Variants in MACROD2 observed in about 807,000 individuals in gnomAD.
The protein encoded by MACROD2 is mono-ADP ribosylhydrolase 2, also known as ADP-ribose glycohydrolase MACROD2.
A neutral mutation model predicts 70.4 loss-of-function variants in MACROD2; 36 were observed. That is an observed-to-expected ratio of 0.51 (90% CI 0.39 to 0.68). MACROD2 has a LOEUF of 0.68. Ranked by LOEUF, MACROD2 falls within the 30% of genes least tolerant of loss-of-function variation. The pLI is 0.00. For synonymous variants in MACROD2, 172 were observed against 178.8 expected, an observed-to-expected ratio of 0.96 and a Z score of 0.30; for missense variants, 496 against 538.4, an observed-to-expected ratio of 0.92 and a Z score of 0.78.
intron 3 of MACROD2, among the ~76,000 whole-genome samples, chr20:14,196,512 A>G (rs112379734): frequency 0.016 from 2,496 of 152,332 alleles, 63 homozygotes; most frequent in African/African-American, 0.056. Context: ...ATGGCTTCAC[A>G]GCATTCCTCT....
At chr20:14,443,432 G>T (rs2084148444) in intron 3 of MACROD2, among the ~76,000 whole-genome samples, 2 of 151,588 alleles carry the variant, frequency 1.3e-5, no homozygotes, top group South Asian at 2.1e-4. Context: ...GAGTAGCTGG[G>T]ATTACAGATA....
intron 4 of MACROD2, among the ~76,000 whole-genome samples, chr20:14,634,354 G>A (rs1433380483): frequency 1.3e-5 from 2 of 152,186 alleles, no homozygotes; most frequent in Non-Finnish European, 2.9e-5. Context: ...CACAGAGTAA[G>A]CATTTAATAA....
chr20:14,431,058 T>G (rs2122928242), intron 3 of MACROD2, among the ~76,000 whole-genome samples: 1 of 152,228 alleles, frequency 6.6e-6, no homozygotes, highest in East Asian at 1.9e-4. Context: ...TGGGTTTCCT[T>G]TTTTACATAA....
intron 6 of MACROD2, among the ~76,000 whole-genome samples, chr20:15,386,064 G>C (rs1164290404): frequency 6.6e-6 from 1 of 152,144 alleles, no homozygotes; most frequent in African/African-American, 2.4e-5. Context: ...GATTCCAGAA[G>C]TGAAGACCTT....
chr20:14,382,050 A>G (rs559758333), intron 3 of MACROD2, among the ~76,000 whole-genome samples: 1 of 142,754 alleles, frequency 7.0e-6, no homozygotes, highest in African/African-American at 2.6e-5. Context: ...CATATACTAT[A>G]ATGGGATTGA....
At chr20:14,773,210 A>G (rs904474671) in intron 5 of MACROD2, among the ~76,000 whole-genome samples, 2 of 152,114 alleles carry the variant, frequency 1.3e-5, no homozygotes, top group African/African-American at 4.8e-5. Flanking sequence ...CAACTGAATA[A>G]TAAATCAGGT....
At chr20:16,046,395 G>A (rs999286955) in intron 17 of MACROD2, among the ~76,000 whole-genome samples, 8 of 151,716 alleles carry the variant, frequency 5.3e-5, no homozygotes, top group African/African-American at 1.9e-4. Flanking sequence ...AAATGATACG[G>A]TTGAGGAGTT....
chr20:15,277,074 G>C (rs920644617), intron 6 of MACROD2, among the ~76,000 whole-genome samples: 14 of 152,144 alleles, frequency 9.2e-5, no homozygotes, highest in Non-Finnish European at 1.3e-4. Flanking sequence ...TCTTGAGATG[G>C]GGTGGCTTTG....
intron 2 of MACROD2, among the ~76,000 whole-genome samples, chr20:14,027,405 A>G (rs571433887): frequency 1.2e-4 from 19 of 152,118 alleles, no homozygotes; most frequent in East Asian, 5.8e-4. Flanking sequence ...GGGTTAGAGC[A>G]TGCTTCTTTA....
intron 8 of MACROD2, among the ~76,000 whole-genome samples, chr20:15,700,834 T>A (rs1332403209): frequency 6.6e-6 from 1 of 152,224 alleles, no homozygotes; most frequent in Non-Finnish European, 1.5e-5. Flanking sequence ...CTATCTTATA[T>A]ATGATTGTAA....
chr20:15,339,437 C>A (rs2078083533), intron 6 of MACROD2, among the ~76,000 whole-genome samples: 1 of 151,842 alleles, frequency 6.6e-6, no homozygotes, highest in South Asian at 2.1e-4. Context: ...GCCCCAGAGG[C>A]TGTTGATCAT....
At chr20:15,432,692 AT>A (rs2146359790) in intron 7 of MACROD2, among the ~76,000 whole-genome samples, 1 of 151,586 alleles carries the variant, frequency 6.6e-6, no homozygotes, top group East Asian at 1.9e-4. Flanking sequence ...ATGTTCTTTC[AT>A]TGCAATCTTG....
intron 2 of MACROD2, among the ~76,000 whole-genome samples, chr20:14,022,786 A>G (rs2053106366): frequency 7.9e-5 from 12 of 152,106 alleles, no homozygotes; most frequent in Admixed American, 7.9e-4. Flanking sequence ...ATTCTTTTTT[A>G]TGGCTGCATC....
intron 4 of MACROD2, among the ~76,000 whole-genome samples, chr20:14,668,861 G>A (rs980391178): frequency 1.3e-5 from 2 of 151,876 alleles, no homozygotes; most frequent in African/African-American, 4.8e-5. Context: ...ACAAAAAGGA[G>A]TAAAATTTCA....
At chr20:14,395,798 C>A (rs2083574315) in intron 3 of MACROD2, among the ~76,000 whole-genome samples, 2 of 152,322 alleles carry the variant, frequency 1.3e-5, no homozygotes, top group South Asian at 4.1e-4. Context: ...TTTTAATCAA[C>A]TGTACATACT....
At chr20:14,498,373 C>A (rs751083842) in intron 4 of MACROD2, among the ~76,000 whole-genome samples, 21 of 152,162 alleles carry the variant, frequency 1.4e-4, no homozygotes, top group Middle Eastern at 3.2e-3. Flanking sequence ...CTCCACACAC[C>A]CATCATCTGT....
chr20:14,226,180 G>C (rs1490913532), intron 3 of MACROD2, among the ~76,000 whole-genome samples: 2 of 152,198 alleles, frequency 1.3e-5, no homozygotes, highest in Non-Finnish European at 2.9e-5. Context: ...TAGCAGGAAT[G>C]GTGCCCCTGT....
chr20:15,368,276 T>C (rs2045440698), intron 6 of MACROD2, among the ~76,000 whole-genome samples: 1 of 151,732 alleles, frequency 6.6e-6, no homozygotes, highest in Admixed American at 6.6e-5. Context: ...TCAATTGGTG[T>C]TCTTTAACAA....
intron 8 of MACROD2, among the ~76,000 whole-genome samples, chr20:15,814,978 TTTGCA>T (rs11469189): frequency 0.2 from 30,819 of 152,034 alleles, 3,289 homozygotes; most frequent in East Asian, 0.33. Context: ...ATATGTAGTG[TTTGCA>T]ACCATCTGGT....
Sources: gnomAD v4.1 joint callset for allele counts (sites outside exome capture counted in the v4.1 genomes callset) on GRCh38, gnomAD v4.1.1 for gene constraint, MANE v1.5 for transcripts, NCBI Gene and HGNC (gene_info 2026-07-23, HGNC 2026-07-21) for gene names.